CSNK2A1: variants seen among roughly 807,000 people sequenced by gnomAD.
CSNK2A1 encodes casein kinase II subunit alpha.
A neutral mutation model predicts 62.9 loss-of-function variants in CSNK2A1; 10 were observed. The observed-to-expected ratio is 0.16, with a 90% CI of 0.10 to 0.27. The LOEUF is 0.27. Ranked by LOEUF, CSNK2A1 falls within the 10% of genes least tolerant of loss-of-function variation. The pLI is 1.00. For missense variants in CSNK2A1, 160 were observed against 492.0 expected (o/e 0.33, Z 6.38); for synonymous variants, 124 against 167.8 (o/e 0.74, Z 2.02).
At chr20:496,581 C>CT (rs1468962460) in intron 7 of CSNK2A1, 1 of 152,200 alleles carries the variant, frequency 6.6e-6, no homozygotes, top group Non-Finnish European at 1.5e-5. Flanking sequence ...GTTCCCAGGG[C>CT]TGGGCAATCA....
rs746991201 is a variant in CSNK2A1 at position 497,715 on chromosome 20, A to G, written c.426+6T>C. On this transcript the variant is annotated splice_donor_region_variant and intron_variant, in intron 7 of 13. Transcript: ENST00000217244. ...AAAAAATATTTAGTATTCAAGGTTCACTTACCTTCAGAATCTCATACATGT... is the reference window on the plus strand; with the variant it reads ...AAAAAATATTTAGTATTCAAGGTTCGCTTACCTTCAGAATCTCATACATGT... The G allele has an allele frequency of 5.0e-6, 8 of 1,604,372 alleles. No homozygotes were observed. In the East Asian group the frequency reaches 1.3e-4, roughly 27 times the overall value.
intron 3 of CSNK2A1, 122 bp from the exon 4 acceptor site, chr20:505,351 GT>G (rs746624346): frequency 0.12 from 28,496 of 233,294 alleles, 18 homozygotes; most frequent in South Asian, 0.15. Context: ...TCCCAAATAG[GT>G]TTTTTTTTTT....
rs2019507232 is a variant in CSNK2A1 at position 543,772 on chromosome 20, C to G, written c.-327G>C. 2.5e-6 allele frequency: 1 copy of G among 398,486 alleles called. No individual in the cohort carries two copies. The highest frequency in any genetic ancestry group is 4.4e-6 in the Non-Finnish European group (1 of 225,996). 24.7% of individuals were successfully genotyped at this position (398,486 alleles called of 1,614,324 possible). A position where few individuals can be genotyped will look rare whatever the true frequency, so the allele number is the denominator to read the frequency against. On this transcript the variant is annotated 5_prime_UTR_variant, in exon 1 of 14. Transcript: ENST00000217244. ...AGACACACGGCTCGGCCGCCAGCCG[C>G]AGGGACCAGAGCGAGGCTGCAGCCG...
chr20:526,004 C>T (rs1367817228), intron 2 of CSNK2A1, among the ~76,000 whole-genome samples: 4 of 151,552 alleles, frequency 2.6e-5, no homozygotes, highest in African/African-American at 9.7e-5. Flanking sequence ...GGCCCTGATT[C>T]GAAAATAAAA....
At chr20:533,760 G>A (rs1045641955) in intron 1 of CSNK2A1, among the ~76,000 whole-genome samples, 7 of 152,204 alleles carry the variant, frequency 4.6e-5, no homozygotes, top group Non-Finnish European at 4.4e-5. Context: ...AAAGGGATCT[G>A]AGTGTCAATG....
At chr20:531,469 TA>T (rs1362106799) in intron 1 of CSNK2A1, among the ~76,000 whole-genome samples, 1 of 152,206 alleles carries the variant, frequency 6.6e-6, no homozygotes, top group African/African-American at 2.4e-5. Context: ...GGGGAACTCT[TA>T]TTTAGACTAC....
chr20:504,515 A>G (rs2018536273), intron 4 of CSNK2A1: 1 of 152,266 alleles, frequency 6.6e-6, no homozygotes, highest in African/African-American at 2.4e-5. Flanking sequence ...CTTAAAAGTC[A>G]GGAAAATTCA....
intron 13 of CSNK2A1, among the ~76,000 whole-genome samples, chr20:485,092 AAAAAAAAAAAAAAAAAAAT>A (rs2018051498): frequency 6.7e-5 from 3 of 44,582 alleles, no homozygotes; most frequent in Non-Finnish European, 8.8e-5. Flanking sequence ...AAAAAAAAAA[AAAAAAAAAAAAAAAAAAAT>A]ATATATATAT....
intron 13 of CSNK2A1, among the ~76,000 whole-genome samples, chr20:485,066 CA>C (rs1157352244): frequency 2.3e-4 from 5 of 22,028 alleles, no homozygotes; most frequent in African/African-American, 7.9e-4. Flanking sequence ...ACCTTGTCTC[CA>C]AAAAAAAAAA....
At chr20:500,293 C>A (rs996735110) in intron 4 of CSNK2A1, 2 of 207,318 alleles carry the variant, frequency 9.6e-6, no homozygotes, top group Non-Finnish European at 2.0e-5. Context: ...TAAAGTATAT[C>A]AAACTTTTTA....
At chr20:516,620 T>C (rs2122594523) in intron 2 of CSNK2A1, among the ~76,000 whole-genome samples, 1 of 152,336 alleles carries the variant, frequency 6.6e-6, no homozygotes, top group Non-Finnish European at 1.5e-5. Flanking sequence ...TCTCTTATGT[T>C]CAGTTGTTAT....
At chr20:508,799 T>A (rs2018657826) in intron 2 of CSNK2A1, 139 bp from the exon 3 acceptor site, 6 of 398,858 alleles carry the variant, frequency 1.5e-5, no homozygotes, top group Non-Finnish European at 2.7e-5. Context: ...CTCAACTGTG[T>A]TAACCAGTGC....
At chr20:488,823 A>G in intron 10 of CSNK2A1, 45 bp from the exon 11 acceptor site, 1 of 1,521,564 alleles carries the variant, frequency 6.6e-7, no homozygotes, top group Non-Finnish European at 9.0e-7. Flanking sequence ...AGCATATTAT[A>G]TTAACAAATC....
chr20:508,416 T>G lies in CSNK2A1; in HGVS notation c.101+35A>C, dbSNP rs1477376620. 2.5e-6 allele frequency: 4 copies of G among 1,609,604 alleles called. No homozygotes were observed. The Admixed American group carries it at 6.7e-5, about 27-fold the overall frequency. On this transcript the variant is annotated intron_variant, in intron 3 of 13. Coordinates refer to ENST00000217244, the MANE Select transcript of CSNK2A1 (RefSeq NM_177559.3). ...AACAGATCCACAAGATTCAGCCCTT[T>G]GAGTGAGTATAATGAAGTCAACAAA...
intron 7 of CSNK2A1, among the ~76,000 whole-genome samples, chr20:497,220 A>G (rs925154368): frequency 4.6e-5 from 7 of 152,194 alleles, no homozygotes; most frequent in African/African-American, 1.7e-4. Context: ...CTGTGCAACA[A>G]TCATAGCTCA....
intron 3 of CSNK2A1, 128 bp from the exon 4 acceptor site, chr20:505,357 T>TTTG: frequency 1.5e-6 from 1 of 654,226 alleles, no homozygotes; most frequent in Admixed American, 3.5e-5. Flanking sequence ...ATAGGTTTTT[T>TTTG]TTTTTTTTTT....
chr20:533,814 G>A (rs549598620), intron 1 of CSNK2A1, among the ~76,000 whole-genome samples: 1 of 152,256 alleles, frequency 6.6e-6, no homozygotes, highest in South Asian at 2.1e-4. Context: ...CCCAATGAAG[G>A]GAGGTATTAG....
chr20:486,288 G>T (rs2018096120), intron 13 of CSNK2A1, 88 bp downstream of exon 13: 8 of 1,484,826 alleles, frequency 5.4e-6, no homozygotes, highest in Middle Eastern at 1.7e-4. Context: ...GTACGGAGAA[G>T]AGAAGGTATA....
chr20:524,358 C>T (rs562991605), intron 2 of CSNK2A1, among the ~76,000 whole-genome samples: 31 of 140,100 alleles, frequency 2.2e-4, no homozygotes, highest in Admixed American at 4.6e-4. Flanking sequence ...TCTCGAGAGG[C>T]GAAGGTTGTA....
Sources: allele counts gnomAD v4.1 joint callset (sites outside exome capture counted in the v4.1 genomes callset), GRCh38; gene constraint gnomAD v4.1.1; transcripts MANE v1.5; gene names NCBI Gene and HGNC (gene_info 2026-07-23, HGNC 2026-07-21).